Variants in DLEU7 observed in about 807,000 individuals in gnomAD.
DLEU7 encodes the protein leukemia-associated protein 7.
DLEU7 carries 17 observed loss-of-function variants against 16.0 expected under a neutral mutation model. The ratio of observed to expected loss-of-function variants is 1.06; its 90% CI spans 0.73 to 1.59. DLEU7 has a LOEUF of 1.59. Among genes scored for constraint, DLEU7 ranks in the 40% most tolerant of loss-of-function variants. The probability of loss-of-function intolerance (pLI) is 0.00; values close to 1 mark genes in which losing one functional copy is unlikely to be tolerated. For synonymous variants in DLEU7, 113 were observed against 139.8 expected (o/e 0.81, Z 1.35); for missense variants, 308 against 314.9 (o/e 0.98, Z 0.17).
At chr13:50,793,448 G>A (rs150441422) in intron 1 of DLEU7, among the ~76,000 whole-genome samples, 4 of 152,244 alleles carry the variant, frequency 2.6e-5, no homozygotes, top group East Asian at 1.9e-4. Context: ...CACAGTGGCC[G>A]AACTAATTTA....
intron 1 of DLEU7, among the ~76,000 whole-genome samples, chr13:50,788,085 A>G (rs113178022): frequency 5.9e-5 from 9 of 152,254 alleles, no homozygotes; most frequent in Admixed American, 1.3e-4. Context: ...TAGCATCTCT[A>G]TCTCTCAACT....
At chr13:50,754,459 A>C (rs1874690538) in intron 1 of DLEU7, among the ~76,000 whole-genome samples, 1 of 152,182 alleles carries the variant, frequency 6.6e-6, no homozygotes. Context: ...CTGCTGCTTC[A>C]AAGTTTGTTT....
intron 1 of DLEU7, among the ~76,000 whole-genome samples, chr13:50,837,723 T>C (rs1460826310): frequency 2.0e-5 from 3 of 152,212 alleles, no homozygotes; most frequent in Non-Finnish European, 2.9e-5. Context: ...ACATTGATGA[T>C]GAGTGCTTTT....
At chr13:50,810,832 A>C (rs1489860239) in intron 1 of DLEU7, among the ~76,000 whole-genome samples, 3 of 152,194 alleles carry the variant, frequency 2.0e-5, no homozygotes, top group African/African-American at 7.2e-5. Flanking sequence ...ACATCCCTGG[A>C]TTCTTAAATC....
intron 1 of DLEU7, among the ~76,000 whole-genome samples, chr13:50,732,364 A>T (rs1438123751): frequency 6.6e-6 from 1 of 152,114 alleles, no homozygotes; most frequent in African/African-American, 2.4e-5. Flanking sequence ...TAATCCCAGC[A>T]CTTTGGGAGG....
chr13:50,826,358 C>G (rs956890668), intron 1 of DLEU7, among the ~76,000 whole-genome samples: 1 of 152,074 alleles, frequency 6.6e-6, no homozygotes, highest in African/African-American at 2.4e-5. Flanking sequence ...TAAGAAAAAA[C>G]AGGCTTGCAA....
chr13:50,791,553 G>C (rs541406397), intron 1 of DLEU7, among the ~76,000 whole-genome samples: 1 of 152,012 alleles, frequency 6.6e-6, no homozygotes, highest in South Asian at 2.1e-4. Context: ...CCCTTACCTA[G>C]GACATCACTC....
intron 1 of DLEU7, among the ~76,000 whole-genome samples, chr13:50,786,686 A>G (rs997304608): frequency 3.9e-5 from 6 of 152,258 alleles, no homozygotes; most frequent in Non-Finnish European, 8.8e-5. Flanking sequence ...TGTGCAAATG[A>G]TAATTTTCAA....
intron 1 of DLEU7, among the ~76,000 whole-genome samples, chr13:50,836,178 C>T (rs1877454030): frequency 6.6e-6 from 1 of 152,192 alleles, no homozygotes; most frequent in Admixed American, 6.5e-5. Context: ...CTTGAGATAC[C>T]TTGAGCTTTA....
At chr13:50,793,740 T>C (rs1204528413) in intron 1 of DLEU7, among the ~76,000 whole-genome samples, 1 of 152,232 alleles carries the variant, frequency 6.6e-6, no homozygotes, top group Non-Finnish European at 1.5e-5. Flanking sequence ...CCTTATAGAT[T>C]CTGGATAATA....
At chr13:50,811,889 C>T (rs748726790) in intron 1 of DLEU7, among the ~76,000 whole-genome samples, 2 of 151,502 alleles carry the variant, frequency 1.3e-5, no homozygotes, top group African/African-American at 4.8e-5. Flanking sequence ...GCCAACATGG[C>T]GAAACCCCAT....
chr13:50,718,999 A>G lies in DLEU7; in HGVS notation c.460-5759T>C, dbSNP rs140599125. 8.2e-4 allele frequency among the ~76,000 whole-genome samples: 125 copies of G among 152,348 alleles called. 2 individuals carry two copies. In the East Asian group the frequency reaches 0.018, roughly 22 times the overall value. On this transcript the variant is annotated intron_variant, in intron 1 of 1. Transcript: ENST00000400393. The stretch of plus-strand genomic sequence containing the variant: ...ATTAACAAATTCAGTTAAAGTCACT[A>G]GGAATTAACTTACACACCTGGAAAT...
At chr13:50,712,661 T>C (rs1873324807) in exon 2 of DLEU7, 2 of 152,810 alleles carry the variant, frequency 1.3e-5, no homozygotes, top group South Asian at 4.1e-4. Flanking sequence ...AACTTTGTGT[T>C]TGCCATTTCC....
intron 1 of DLEU7, among the ~76,000 whole-genome samples, chr13:50,815,071 T>C (rs1356819544): frequency 1.3e-5 from 2 of 152,062 alleles, no homozygotes; most frequent in Admixed American, 1.3e-4. Flanking sequence ...GTCTGAGTTA[T>C]TTATTTGGCA....
At chr13:50,800,336 C>T (rs905954380) in intron 1 of DLEU7, among the ~76,000 whole-genome samples, 2 of 152,058 alleles carry the variant, frequency 1.3e-5, no homozygotes, top group African/African-American at 2.4e-5. Flanking sequence ...TCAAAAATAC[C>T]GACAAAATGT....
intron 1 of DLEU7, among the ~76,000 whole-genome samples, chr13:50,758,811 T>C (rs1874839075): frequency 6.6e-6 from 1 of 152,222 alleles, no homozygotes; most frequent in South Asian, 2.1e-4. Context: ...AAAGAAGCCA[T>C]AGTCTTTTTA....
chr13:50,723,547 C>A (rs370048584), intron 1 of DLEU7, among the ~76,000 whole-genome samples: 4 of 151,920 alleles, frequency 2.6e-5, no homozygotes, highest in Non-Finnish European at 4.4e-5. Flanking sequence ...AGTCTGAGAC[C>A]AGGGTGTGAC....
chr13:50,744,512 G>A (rs1874338196), intron 1 of DLEU7, among the ~76,000 whole-genome samples: 1 of 152,130 alleles, frequency 6.6e-6, no homozygotes, highest in African/African-American at 2.4e-5. Context: ...GTATCACAAG[G>A]AATAGGCTCA....
chr13:50,766,464 GTCTTCCTTC>G (rs150102863), intron 1 of DLEU7, among the ~76,000 whole-genome samples: 28,120 of 151,844 alleles, frequency 0.19, 2,738 homozygotes, highest in East Asian at 0.24. Flanking sequence ...CTCTTTCCTT[GTCTTCCTTC>G]TCTTCCTACT....
Sources: allele counts gnomAD v4.1 joint callset (sites outside exome capture counted in the v4.1 genomes callset), GRCh38; gene constraint gnomAD v4.1.1; transcripts MANE v1.5; gene names NCBI Gene and HGNC (gene_info 2026-07-23, HGNC 2026-07-21).